CNGB3: variants seen among roughly 807,000 people sequenced by gnomAD.
The protein encoded by CNGB3 is cyclic nucleotide gated channel subunit beta 3.
A neutral mutation model predicts 92.8 loss-of-function variants in CNGB3; 86 were observed. The observed-to-expected ratio is 0.93, with a 90% CI of 0.78 to 1.11. The LOEUF (loss-of-function observed/expected upper bound fraction) is 1.11. Among genes scored for constraint, CNGB3 ranks in the 50% least tolerant of loss-of-function variants. The pLI, the probability that CNGB3 is intolerant of heterozygous loss-of-function variation, is 0.00. For missense variants in CNGB3, 1,026 were observed against 956.8 expected (o/e 1.07, Z -0.95); for synonymous variants, 333 against 332.7 (o/e 1.00, Z -0.01).
chr8:86,699,845 C>T (rs1428198304), intron 3 of CNGB3, among the ~76,000 whole-genome samples: 1 of 152,066 alleles, frequency 6.6e-6, no homozygotes, highest in East Asian at 1.9e-4. Flanking sequence ...TCTTAGCCTC[C>T]CTAAGAGGAG....
intron 3 of CNGB3, among the ~76,000 whole-genome samples, chr8:86,699,165 G>A (rs1235576446): frequency 6.6e-6 from 1 of 152,102 alleles, no homozygotes; most frequent in African/African-American, 2.4e-5. Flanking sequence ...TCTTCTGAAA[G>A]CATGTTTTCA....
chr8:86,595,712 A>C (rs1344522435), intron 15 of CNGB3, among the ~76,000 whole-genome samples: 1 of 152,178 alleles, frequency 6.6e-6, no homozygotes, highest in African/African-American at 2.4e-5. Context: ...AAAAGGAATA[A>C]CTGAGTTATT....
chr8:86,583,911 G>T (rs1013860924), intron 15 of CNGB3, among the ~76,000 whole-genome samples: 7 of 90,832 alleles, frequency 7.7e-5, no homozygotes, highest in Non-Finnish European at 9.8e-5. Context: ...GACAGAGTGA[G>T]ACCTTGTCTC....
chr8:86,725,221 A>G (rs1825040049), intron 3 of CNGB3, among the ~76,000 whole-genome samples: 1 of 152,152 alleles, frequency 6.6e-6, no homozygotes, highest in African/African-American at 2.4e-5. Context: ...CTGGGAGTGT[A>G]TTGGTGTGAG....
chr8:86,692,079 G>A (rs760054276), intron 3 of CNGB3, among the ~76,000 whole-genome samples: 10 of 152,138 alleles, frequency 6.6e-5, no homozygotes, highest in Non-Finnish European at 1.2e-4. Context: ...TTCCACTGTG[G>A]TCTGAGACAG....
chr8:86,630,106 T>C (rs1406973796), intron 11 of CNGB3, among the ~76,000 whole-genome samples: 3 of 152,216 alleles, frequency 2.0e-5, no homozygotes, highest in Non-Finnish European at 2.9e-5. Flanking sequence ...TTCTTCTACA[T>C]ATTAAAACTA....
chr8:86,609,468 C>G (rs1822477973), intron 14 of CNGB3, among the ~76,000 whole-genome samples: 1 of 152,120 alleles, frequency 6.6e-6, no homozygotes, highest in African/African-American at 2.4e-5. Flanking sequence ...TCCATTTTCC[C>G]CCTTCATCTC....
chr8:86,716,023 CAT>C (rs1824847729), intron 3 of CNGB3, among the ~76,000 whole-genome samples: 2 of 151,668 alleles, frequency 1.3e-5, no homozygotes, highest in Admixed American at 1.3e-4. Flanking sequence ...AAATAGATAA[CAT>C]AAATTTTAAA....
intron 2 of CNGB3, among the ~76,000 whole-genome samples, chr8:86,728,854 C>A (rs186538869): frequency 1.3e-5 from 2 of 152,186 alleles, no homozygotes; most frequent in Non-Finnish European, 2.9e-5. Context: ...GAAAAAAATC[C>A]TGAATGTAAA....
chr8:86,579,442 T>G (rs921363547), intron 15 of CNGB3, among the ~76,000 whole-genome samples, 190 bp from the exon 16 acceptor site: 2 of 152,172 alleles, frequency 1.3e-5, no homozygotes, highest in African/African-American at 4.8e-5. Flanking sequence ...TCAATATATT[T>G]TTTCTCTAAC....
intron 3 of CNGB3, among the ~76,000 whole-genome samples, chr8:86,678,516 CTAAG>C (rs1487312271): frequency 6.6e-6 from 1 of 152,090 alleles, no homozygotes; most frequent in African/African-American, 2.4e-5. Flanking sequence ...ATTTCCTAAC[CTAAG>C]TGATTCATGA....
At position 86,612,403 on chromosome 8, in the gene CNGB3, A is replaced by AT. The variant is rs1482380879; in HGVS notation, c.1579-733dup. ...AATCTTTTGCTTTCAACAAATATAT[A>AT]TTTTTTCATTTTCTCTCAGAGCTGC... On this transcript the variant is annotated intron_variant, in intron 13 of 17. Coordinates refer to ENST00000320005, the MANE Select transcript of CNGB3 (RefSeq NM_019098.5). Among the ~76,000 whole-genome samples, 23 of 152,210 alleles carry AT rather than the reference A, an allele frequency of 1.5e-4. No homozygotes were observed. The South Asian group carries it at 1.9e-3, about 12-fold the overall frequency.
At chr8:86,650,765 A>G (rs1167139866) in intron 7 of CNGB3, among the ~76,000 whole-genome samples, 3 of 151,602 alleles carry the variant, frequency 2.0e-5, no homozygotes, top group African/African-American at 2.4e-5. Flanking sequence ...CATTCCTTAA[A>G]CAACTAAAAG....
chr8:86,696,767 T>C (rs1002434784), intron 3 of CNGB3, among the ~76,000 whole-genome samples: 2 of 152,236 alleles, frequency 1.3e-5, no homozygotes, highest in Non-Finnish European at 2.9e-5. Flanking sequence ...TTTAATGGCA[T>C]GGCATATCTT....
chr8:86,604,884 A>T (rs1169460285), intron 14 of CNGB3, among the ~76,000 whole-genome samples: 1 of 152,210 alleles, frequency 6.6e-6, no homozygotes, highest in Non-Finnish European at 1.5e-5. Context: ...AGGATGTATC[A>T]GGCTGTCAAC....
chr8:86,587,404 T>C (rs79419169), intron 15 of CNGB3, among the ~76,000 whole-genome samples: 98,609 of 151,726 alleles, frequency 0.65, 34,516 homozygotes, highest in Non-Finnish European at 0.78. Context: ...AGACCTGAAG[T>C]CCTTGCCCAT....
intron 3 of CNGB3, among the ~76,000 whole-genome samples, chr8:86,723,369 A>C (rs939911368): frequency 6.6e-6 from 1 of 152,156 alleles, no homozygotes; most frequent in Non-Finnish European, 1.5e-5. Context: ...TCAAATACTT[A>C]ATTTTTTTCT....
At position 86,676,835 on chromosome 8, in the gene CNGB3, G is replaced by A. The variant is rs183575932; in HGVS notation, c.339-5737C>T. ...ACTGGGGTCTTTATAAGAAGCCTAA[G>A]TGCTGGAGTGGCCTATCAACTACAA... On this transcript the variant is annotated intron_variant, in intron 3 of 17. Coordinates refer to ENST00000320005, the MANE Select transcript of CNGB3 (RefSeq NM_019098.5). Among the ~76,000 whole-genome samples the A allele has an allele frequency of 3.4e-3, 521 of 152,294 alleles. 3 individuals are homozygous for A. Among genetic ancestry groups the A allele is most frequent in the African/African-American group, 0.012 (505 of 41,560 alleles).
intron 3 of CNGB3, among the ~76,000 whole-genome samples, chr8:86,720,896 CT>C (rs1824960286): frequency 1.4e-5 from 2 of 145,238 alleles, no homozygotes; most frequent in Non-Finnish European, 3.0e-5. Context: ...TGGAATACTA[CT>C]CAGCCATGAA....
Sources: gnomAD v4.1 joint callset for allele counts (sites outside exome capture counted in the v4.1 genomes callset) on GRCh38, gnomAD v4.1.1 for gene constraint, MANE v1.5 for transcripts, NCBI Gene and HGNC (gene_info 2026-07-23, HGNC 2026-07-21) for gene names.